PDE4B: variants seen among roughly 807,000 people sequenced by gnomAD.
PDE4B encodes the protein 3',5'-cyclic-AMP phosphodiesterase 4B.
PDE4B carries 20 observed loss-of-function variants against 82.2 expected under a neutral mutation model. The observed-to-expected ratio is 0.24, with a 90% confidence interval of 0.17 to 0.35. The LOEUF is 0.35. PDE4B is among the 10% of genes least tolerant of loss of function. PDE4B has a pLI of 1.00. For missense variants in PDE4B, 655 were observed against 907.2 expected (o/e 0.72, Z 3.57); for synonymous variants, 320 against 318.9 (o/e 1.00, Z -0.04).
chr1:66,255,076 T>TTCTTTCTTTC (rs974285049), intron 4 of PDE4B, among the ~76,000 whole-genome samples: 1 of 151,922 alleles, frequency 6.6e-6, no homozygotes. Flanking sequence ...TTTTTTCTCT[T>TTCTTTCTTTC]TCTTTCTTTC....
At chr1:66,216,832 A>G (rs1453294833) in intron 3 of PDE4B, among the ~76,000 whole-genome samples, 1 of 152,164 alleles carries the variant, frequency 6.6e-6, no homozygotes, top group Non-Finnish European at 1.5e-5. Context: ...TAGCACAGTC[A>G]TTAATTTGCC....
At chr1:66,283,403 G>A (rs1450682723) in intron 7 of PDE4B, among the ~76,000 whole-genome samples, 5 of 151,806 alleles carry the variant, frequency 3.3e-5, no homozygotes, top group Non-Finnish European at 5.9e-5. Context: ...ATGTATGTCA[G>A]TCCCCTTGTG....
intron 3 of PDE4B, among the ~76,000 whole-genome samples, chr1:65,984,956 G>GTCCTA: frequency 6.6e-6 from 1 of 151,774 alleles, no homozygotes. Context: ...TAAATTCTAG[G>GTCCTA]ACTTTATAGC....
At chr1:66,166,254 T>C (rs367962470) in intron 3 of PDE4B, among the ~76,000 whole-genome samples, 56 of 152,292 alleles carry the variant, frequency 3.7e-4, no homozygotes, top group African/African-American at 1.2e-3. Flanking sequence ...AAGTGAATCA[T>C]AGATCTAAAA....
chr1:65,959,072 AAC>A (rs1212912885), intron 3 of PDE4B, among the ~76,000 whole-genome samples: 1 of 152,204 alleles, frequency 6.6e-6, no homozygotes, highest in Non-Finnish European at 1.5e-5. Context: ...CCTGTAGGCT[AAC>A]ACCGCTGTGC....
At chr1:66,129,270 A>C (rs1645885052) in intron 3 of PDE4B, among the ~76,000 whole-genome samples, 1 of 152,190 alleles carries the variant, frequency 6.6e-6, no homozygotes, top group Non-Finnish European at 1.5e-5. Context: ...AAACAAGATA[A>C]CAGTGAAATT....
intron 3 of PDE4B, among the ~76,000 whole-genome samples, chr1:66,217,778 G>A (rs1022716694): frequency 6.6e-6 from 1 of 152,018 alleles, no homozygotes; most frequent in Non-Finnish European, 1.5e-5. Context: ...TCCTGGTACT[G>A]CAACTGTATC....
At chr1:66,226,636 A>C (rs1226279520) in intron 3 of PDE4B, among the ~76,000 whole-genome samples, 1 of 152,262 alleles carries the variant, frequency 6.6e-6, no homozygotes, top group Non-Finnish European at 1.5e-5. Context: ...AGAAAAGAAC[A>C]GTCAGTGCAA....
intron 3 of PDE4B, among the ~76,000 whole-genome samples, chr1:66,082,728 ATATT>A (rs1302306338): frequency 6.6e-6 from 1 of 152,020 alleles, no homozygotes; most frequent in African/African-American, 2.4e-5. Context: ...TTAATAATAT[ATATT>A]TATCCATTTG....
At chr1:66,305,137 A>G (rs577674291) in intron 7 of PDE4B, among the ~76,000 whole-genome samples, 1 of 152,266 alleles carries the variant, frequency 6.6e-6, no homozygotes, top group Non-Finnish European at 1.5e-5. Context: ...AGTGACTGGA[A>G]AGCAAAGCGT....
At chr1:65,877,894 T>C (rs997017928) in intron 1 of PDE4B, among the ~76,000 whole-genome samples, 5 of 152,008 alleles carry the variant, frequency 3.3e-5, no homozygotes, top group African/African-American at 9.7e-5. Context: ...TGGCATCTAA[T>C]TAAACTAAAG....
chr1:66,175,903 AAAAC>A (rs1646923065), intron 3 of PDE4B, among the ~76,000 whole-genome samples: 2 of 152,220 alleles, frequency 1.3e-5, no homozygotes, highest in Non-Finnish European at 2.9e-5. Flanking sequence ...TTGGGACAGA[AAAAC>A]AAACTCTTTC....
chr1:65,796,939 G>A (rs1426783894), intron 1 of PDE4B, among the ~76,000 whole-genome samples: 2 of 148,234 alleles, frequency 1.3e-5, no homozygotes, highest in African/African-American at 4.9e-5. Context: ...TTGAGCCACC[G>A]TGTCTAGCCT....
intron 3 of PDE4B, among the ~76,000 whole-genome samples, chr1:66,221,392 C>G (rs1393761302): frequency 6.6e-6 from 1 of 152,094 alleles, no homozygotes; most frequent in East Asian, 1.9e-4. Context: ...GACAATTGCT[C>G]AAGGGCATAG....
intron 1 of PDE4B, among the ~76,000 whole-genome samples, chr1:65,814,533 A>G (rs2101211136): frequency 6.6e-6 from 1 of 152,324 alleles, no homozygotes; most frequent in South Asian, 2.1e-4. Flanking sequence ...AAATGTGTTC[A>G]ATTATGAAAA....
chr1:66,189,123 G>T (rs1647486645), intron 3 of PDE4B, among the ~76,000 whole-genome samples: 1 of 151,940 alleles, frequency 6.6e-6, no homozygotes, highest in East Asian at 1.9e-4. Context: ...GAAATTCTGG[G>T]TTGAAAATTC....
chr1:65,808,710 A>C (rs1158758898), intron 1 of PDE4B, among the ~76,000 whole-genome samples: 1 of 152,224 alleles, frequency 6.6e-6, no homozygotes, highest in Non-Finnish European at 1.5e-5. Flanking sequence ...AGTGTCATGT[A>C]GTAGGAAATT....
chr1:65,839,968 C>T (rs1457165341), intron 1 of PDE4B, among the ~76,000 whole-genome samples: 2 of 152,090 alleles, frequency 1.3e-5, no homozygotes, highest in Non-Finnish European at 1.5e-5. Context: ...GCAATTCTAA[C>T]TGGCATGAGA....
At position 65,890,305 on chromosome 1, in the gene PDE4B, G is replaced by A. The variant is rs563232595; in HGVS notation, c.-70-22940G>A. 7.9e-5 allele frequency among the ~76,000 whole-genome samples: 12 copies of A among 152,140 alleles called. No individual in the cohort carries two copies. The South Asian group carries it at 2.5e-3, about 32-fold the overall frequency. On this transcript the variant is annotated intron_variant, in intron 1 of 16. Transcript: ENST00000341517. ...ACCATTCATATGTGAGGGTATGTGT[G>A]GGTGGCTGAGCACATCAGGTTTCAT...
Sources: allele counts gnomAD v4.1 joint callset (sites outside exome capture counted in the v4.1 genomes callset), GRCh38; gene constraint gnomAD v4.1.1; transcripts MANE v1.5; gene names NCBI Gene and HGNC (gene_info 2026-07-23, HGNC 2026-07-21).